The following EEF1AKMT1 variants were observed in gnomAD, a reference collection of about 807,000 sequenced individuals.
EEF1AKMT1 encodes the protein N-6 adenine-specific DNA methyltransferase 2 (putative).
EEF1AKMT1 carries 18 observed loss-of-function variants against 21.0 expected under a neutral mutation model. The ratio of observed to expected loss-of-function variants is 0.86; its 90% CI spans 0.59 to 1.27. EEF1AKMT1 has a LOEUF of 1.27. EEF1AKMT1 is among the 50% of genes most tolerant of loss of function. The pLI is 0.00. For missense variants in EEF1AKMT1, 246 were observed against 258.6 expected (o/e 0.95, Z 0.33); for synonymous variants, 109 against 94.8 (o/e 1.15, Z -0.87).
At position 20,731,910 on chromosome 13, in the gene EEF1AKMT1, C is replaced by A. The variant is rs749953569; in HGVS notation, c.439G>T (p.Glu147Ter). 1 of 1,614,160 alleles carries A rather than the reference C, an allele frequency of 6.2e-7. No homozygotes were observed. Among genetic ancestry groups the A allele is most frequent in the South Asian group, 1.1e-5 (1 of 91,074 alleles). The stretch of plus-strand genomic sequence containing the variant: ...TCCGATGTTTTTCTGAGACATTCCT[C>A]CGAAAGATAGGGAGGATCTGCTATT... ...IVIADPPYLS[E>*]ECLRKTSETV... Residue 147 changes from glutamate (E) to a stop codon, truncating the protein, a stop_gained, in exon 4 of 5, where the codon GAG (glutamate) becomes TAG (stop). Transcript: ENST00000382758. LOFTEE classifies it high-confidence loss of function.
intron 1 of EEF1AKMT1, among the ~76,000 whole-genome samples, chr13:20,765,498 C>T (rs559349337): frequency 2.8e-5 from 4 of 141,556 alleles, no homozygotes; most frequent in East Asian, 2.4e-4. Context: ...CTGCAACCTC[C>T]GCCTTCTAGT....
chr13:20,772,575 T>C (rs2059067951), intron 1 of EEF1AKMT1, among the ~76,000 whole-genome samples: 2 of 152,082 alleles, frequency 1.3e-5, no homozygotes, highest in African/African-American at 2.4e-5. Flanking sequence ...AACGGTAAGG[T>C]GGAGGCCCTC....
At position 20,731,411 on chromosome 13, in the gene EEF1AKMT1, G is replaced by A. The variant is rs954217347; in HGVS notation, c.508+430C>T. Among the ~76,000 whole-genome samples, 3 of 152,198 alleles carry A rather than the reference G, an allele frequency of 2.0e-5. No individual in the cohort carries two copies. In the East Asian group the frequency reaches 5.8e-4, roughly 29 times the overall value. ...GCCCAATGGTTTGAGGTTACAGAGA[G>A]AAAAAAAGTATAACGATCTCGCCAG... is the stretch of plus-strand genomic sequence containing the variant. On this transcript the variant is annotated intron_variant, in intron 4 of 4. Coordinates refer to ENST00000382758, the MANE Select transcript of EEF1AKMT1 (RefSeq NM_001318939.2).
chr13:20,761,925 T>C (rs2059003196), intron 1 of EEF1AKMT1, among the ~76,000 whole-genome samples: 1 of 152,130 alleles, frequency 6.6e-6, no homozygotes, highest in Admixed American at 6.6e-5. Context: ...AGTGAGACCT[T>C]GTCTCTACAA....
intron 1 of EEF1AKMT1, among the ~76,000 whole-genome samples, chr13:20,762,867 G>A (rs901213493): frequency 6.6e-6 from 1 of 152,128 alleles, no homozygotes; most frequent in Non-Finnish European, 1.5e-5. Context: ...AGTTTGCCAA[G>A]TTTCATCATG....
At chr13:20,759,585 C>T (rs1315163388) in intron 1 of EEF1AKMT1, among the ~76,000 whole-genome samples, 2 of 126,278 alleles carry the variant, frequency 1.6e-5, no homozygotes, top group Non-Finnish European at 3.5e-5. Context: ...GTCTCAAAAA[C>T]AAAAAACAAA....
At chr13:20,767,984 T>C (rs991595585) in intron 1 of EEF1AKMT1, among the ~76,000 whole-genome samples, 4 of 152,214 alleles carry the variant, frequency 2.6e-5, no homozygotes, top group Non-Finnish European at 5.9e-5. Context: ...GTTACATGAG[T>C]CTTTATTTGC....
At position 20,738,526 on chromosome 13, in the gene EEF1AKMT1, G is replaced by A. The variant is rs9552266; in HGVS notation, c.145-721C>T. Reference sequence around the variant, plus strand: ...GCAGGCTCGGGGCAGCCAGTTGCATGGGGCATGCCAACTGGGGGGTTCTCT... The same window carrying A: ...GCAGGCTCGGGGCAGCCAGTTGCATAGGGCATGCCAACTGGGGGGTTCTCT... On this transcript the variant is annotated intron_variant, in intron 2 of 4. Transcript: ENST00000382758. Among the ~76,000 whole-genome samples the A allele has an allele frequency of 5.4e-4, 83 of 152,298 alleles. No homozygotes were observed. In the East Asian group the frequency reaches 0.013, roughly 24 times the overall value.
Position 20,773,850 on chromosome 13 carries a change from A to C in EEF1AKMT1, c.-20+71T>G, listed in dbSNP as rs1203275100. On this transcript the variant is annotated intron_variant, in intron 1 of 4. Coordinates refer to ENST00000382758, the MANE Select transcript of EEF1AKMT1 (RefSeq NM_001318939.2). Reference sequence around the variant, plus strand: ...GGTGAGAAACAAACACACAAAAGGCACCTAACCCAGTCCAAAACGCCTCGG... The same window carrying C: ...GGTGAGAAACAAACACACAAAAGGCCCCTAACCCAGTCCAAAACGCCTCGG... 3.3e-5 allele frequency: 5 copies of C among 152,492 alleles called. No homozygotes were observed. In the East Asian group the frequency reaches 9.7e-4, roughly 29 times the overall value. 9.4% of individuals were successfully genotyped at this position (152,492 alleles called of 1,614,324 possible).
intron 2 of EEF1AKMT1, among the ~76,000 whole-genome samples, chr13:20,748,361 G>A (rs1386598627): frequency 6.6e-6 from 1 of 151,968 alleles, no homozygotes; most frequent in Non-Finnish European, 1.5e-5. Flanking sequence ...CGTGAACCCA[G>A]GAGGCGGAGC....
At chr13:20,735,380 G>A (rs2058821283) in intron 3 of EEF1AKMT1, among the ~76,000 whole-genome samples, 1 of 152,160 alleles carries the variant, frequency 6.6e-6, no homozygotes, top group Non-Finnish European at 1.5e-5. Context: ...GGATGGGGGG[G>A]ATGCTTGGAA....
chr13:20,768,346 C>T (rs1480329384), intron 1 of EEF1AKMT1, among the ~76,000 whole-genome samples: 1 of 152,118 alleles, frequency 6.6e-6, no homozygotes, highest in East Asian at 1.9e-4. Flanking sequence ...CTGATTACAC[C>T]CCACTACGGA....
chr13:20,745,759 A>T (rs2058900397), intron 2 of EEF1AKMT1, among the ~76,000 whole-genome samples: 1 of 152,094 alleles, frequency 6.6e-6, no homozygotes, highest in East Asian at 1.9e-4. Context: ...TGAGGCAGAG[A>T]ACTGCTTGAA....
At chr13:20,772,312 A>C (rs1168191211) in intron 1 of EEF1AKMT1, among the ~76,000 whole-genome samples, 1 of 152,086 alleles carries the variant, frequency 6.6e-6, no homozygotes, top group Non-Finnish European at 1.5e-5. Flanking sequence ...CTGACCTTGG[A>C]CCTTATGTGG....
intron 2 of EEF1AKMT1, among the ~76,000 whole-genome samples, chr13:20,739,245 C>T (rs1477790583): frequency 6.6e-6 from 1 of 152,188 alleles, no homozygotes; most frequent in Non-Finnish European, 1.5e-5. Context: ...GTGAGTGTTA[C>T]AGCTCATAAA....
rs751788873 is a variant in EEF1AKMT1, at chr13:20,729,087, C to A, written c.638G>T (p.Gly213Val). Reference protein sequence around the residue: ...YVNYDSGLDCGI With the variant: ...YVNYDSGLDCVI ...TTATGTCACCGTCTGTAATCAGATC[C>A]CACAGTCCAGCCCAGAATCATAATT... The change falls in exon 5 of 5, where the codon GGG becomes GTG. Residue 213 changes from glycine (G) to valine (V), a missense_variant. Gly to Val is a moderately radical substitution (Grantham distance 109, BLOSUM62 -3). Coordinates refer to ENST00000382758, the MANE Select transcript of EEF1AKMT1 (RefSeq NM_001318939.2). The A allele has an allele frequency of 1.4e-5, 22 of 1,614,126 alleles. No individual in the cohort carries two copies. The highest frequency in any genetic ancestry group is 5.0e-5 in the Admixed American group (3 of 60,018).
chr13:20,759,832 C>A (rs950505647), intron 1 of EEF1AKMT1, among the ~76,000 whole-genome samples: 42 of 152,040 alleles, frequency 2.8e-4, no homozygotes, highest in Non-Finnish European at 7.4e-5. Flanking sequence ...AGGACGGGCA[C>A]AGTGGCTCAT....
chr13:20,748,371 C>G (rs2058919825), intron 2 of EEF1AKMT1, among the ~76,000 whole-genome samples: 1 of 151,372 alleles, frequency 6.6e-6, no homozygotes, highest in Non-Finnish European at 1.5e-5. Flanking sequence ...GGAGGCGGAG[C>G]TTGCAGTGAG....
chr13:20,754,382 A>G (rs1009220044), intron 2 of EEF1AKMT1, among the ~76,000 whole-genome samples: 2 of 151,868 alleles, frequency 1.3e-5, no homozygotes, highest in Non-Finnish European at 2.9e-5. Flanking sequence ...TTAAGTGACT[A>G]GTCACTTTTG....
Sources: allele counts gnomAD v4.1 joint callset (sites outside exome capture counted in the v4.1 genomes callset), GRCh38; gene constraint gnomAD v4.1.1; transcripts MANE v1.5; gene names NCBI Gene and HGNC (gene_info 2026-07-23, HGNC 2026-07-21).